CNTNAP2: variants seen among roughly 807,000 people sequenced by gnomAD.
The protein encoded by CNTNAP2 is contactin associated protein 2.
CNTNAP2 carries 98 observed loss-of-function variants against 155.2 expected under a neutral mutation model. That is an observed-to-expected ratio of 0.63 (90% CI 0.54 to 0.75). The LOEUF is 0.75. CNTNAP2 is among the 30% of genes least tolerant of loss of function. The pLI is 0.00. For synonymous variants in CNTNAP2, 651 were observed against 631.2 expected (o/e 1.03, Z -0.47); for missense variants, 1,727 against 1,688.1 (o/e 1.02, Z -0.40).
intron 8 of CNTNAP2, among the ~76,000 whole-genome samples, chr7:147,212,418 G>T (rs1393925202): frequency 6.6e-6 from 1 of 152,092 alleles, no homozygotes; most frequent in East Asian, 1.9e-4. Flanking sequence ...TTAAATAAAT[G>T]AAGTCATGTA....
chr7:146,989,004 T>C (rs191487246), intron 3 of CNTNAP2, among the ~76,000 whole-genome samples: 1 of 152,334 alleles, frequency 6.6e-6, no homozygotes, highest in Admixed American at 6.5e-5. Context: ...TTCCTCTCCA[T>C]ATTTCTTTCT....
chr7:146,761,737 T>C (rs781134631), intron 1 of CNTNAP2, among the ~76,000 whole-genome samples: 48 of 152,128 alleles, frequency 3.2e-4, no homozygotes, highest in Non-Finnish European at 6.0e-4. Context: ...CTTTGTTCAC[T>C]CCTTTCAATT....
intron 3 of CNTNAP2, among the ~76,000 whole-genome samples, chr7:147,032,948 A>G (rs553119379): frequency 6.6e-6 from 1 of 152,016 alleles, no homozygotes; most frequent in African/African-American, 2.4e-5. Context: ...CTAAAGAATA[A>G]AGAGAAGGAA....
At chr7:146,618,973 G>C (rs1462108179) in intron 1 of CNTNAP2, among the ~76,000 whole-genome samples, 2 of 151,840 alleles carry the variant, frequency 1.3e-5, no homozygotes, top group Non-Finnish European at 2.9e-5. Context: ...GGGAGGCTGA[G>C]GTAGGAGAAT....
intron 1 of CNTNAP2, among the ~76,000 whole-genome samples, chr7:146,560,239 G>C (rs1449445527): frequency 6.6e-6 from 1 of 151,994 alleles, no homozygotes; most frequent in African/African-American, 2.4e-5. Context: ...TGTCCTGCTT[G>C]ATGGGTTCTT....
At chr7:146,405,049 A>C (rs1461746211) in intron 1 of CNTNAP2, among the ~76,000 whole-genome samples, 1 of 152,174 alleles carries the variant, frequency 6.6e-6, no homozygotes, top group Non-Finnish European at 1.5e-5. Context: ...TTTAGCCAGC[A>C]GAGACTTCCC....
chr7:148,059,808 A>G (rs1442837462), intron 15 of CNTNAP2, among the ~76,000 whole-genome samples: 3 of 150,672 alleles, frequency 2.0e-5, no homozygotes, highest in African/African-American at 7.3e-5. Flanking sequence ...ATATAACTTG[A>G]TACAAAGTCT....
At chr7:147,092,197 T>A (rs1800421794) in intron 4 of CNTNAP2, among the ~76,000 whole-genome samples, 1 of 152,220 alleles carries the variant, frequency 6.6e-6, no homozygotes. Flanking sequence ...CTGTATCAAA[T>A]GTATCCTGTT....
At chr7:147,583,648 C>T (rs1800560828) in intron 12 of CNTNAP2, among the ~76,000 whole-genome samples, 1 of 151,436 alleles carries the variant, frequency 6.6e-6, no homozygotes, top group African/African-American at 2.4e-5. Flanking sequence ...TAACTCTTTG[C>T]AGATAATTGT....
chr7:146,557,704 A>C (rs1798217707), intron 1 of CNTNAP2, among the ~76,000 whole-genome samples: 1 of 151,226 alleles, frequency 6.6e-6, no homozygotes, highest in Non-Finnish European at 1.5e-5. Flanking sequence ...TTCTTTATTG[A>C]CTGATTAACC....
intron 1 of CNTNAP2, among the ~76,000 whole-genome samples, chr7:146,376,037 G>C (rs1225235216): frequency 6.6e-6 from 1 of 152,104 alleles, no homozygotes; most frequent in African/African-American, 2.4e-5. Context: ...CCACCAAATT[G>C]ACACTCAGCA....
chr7:147,776,626 A>T (rs1227527011), intron 13 of CNTNAP2, among the ~76,000 whole-genome samples: 1 of 152,144 alleles, frequency 6.6e-6, no homozygotes, highest in Non-Finnish European at 1.5e-5. Context: ...CAAGGATGAT[A>T]TTTCAAATTA....
intron 1 of CNTNAP2, among the ~76,000 whole-genome samples, chr7:146,546,081 T>C (rs1244787041): frequency 1.3e-5 from 2 of 151,884 alleles, no homozygotes; most frequent in Non-Finnish European, 2.9e-5. Flanking sequence ...AACATCCTCC[T>C]AAAGGAAACA....
At chr7:146,430,663 T>A (rs1032393330) in intron 1 of CNTNAP2, among the ~76,000 whole-genome samples, 1 of 152,020 alleles carries the variant, frequency 6.6e-6, no homozygotes, top group Non-Finnish European at 1.5e-5. Context: ...GCAGCTAGCA[T>A]TTAATTGACT....
At chr7:148,034,749 G>A (rs185866823) in intron 15 of CNTNAP2, among the ~76,000 whole-genome samples, 3 of 152,334 alleles carry the variant, frequency 2.0e-5, no homozygotes, top group African/African-American at 7.2e-5. Context: ...GGAAAAGCAT[G>A]CATTGCTATG....
intron 1 of CNTNAP2, among the ~76,000 whole-genome samples, chr7:146,445,162 C>G (rs181519249): frequency 6.6e-6 from 1 of 152,270 alleles, no homozygotes; most frequent in East Asian, 1.9e-4. Flanking sequence ...TATGTTCAAC[C>G]CAATCCTCTC....
At chr7:146,325,323 T>C (rs1196830606) in intron 1 of CNTNAP2, among the ~76,000 whole-genome samples, 4 of 152,168 alleles carry the variant, frequency 2.6e-5, no homozygotes, top group Admixed American at 1.3e-4. Context: ...ATGTACAATA[T>C]ATGTACAATA....
At chr7:148,393,748 T>G (rs1198365421) in intron 22 of CNTNAP2, among the ~76,000 whole-genome samples, 1 of 152,198 alleles carries the variant, frequency 6.6e-6, no homozygotes, top group Non-Finnish European at 1.5e-5. Context: ...ATATTATTCT[T>G]TTAAATGTGG....
chr7:147,734,032 G>T (rs1796793641), intron 13 of CNTNAP2, among the ~76,000 whole-genome samples: 1 of 152,092 alleles, frequency 6.6e-6, no homozygotes, highest in Non-Finnish European at 1.5e-5. Flanking sequence ...GACTGCCCTG[G>T]CCAGAACTTC....
Sources: gnomAD v4.1 joint callset for allele counts (sites outside exome capture counted in the v4.1 genomes callset) on GRCh38, gnomAD v4.1.1 for gene constraint, MANE v1.5 for transcripts, NCBI Gene and HGNC (gene_info 2026-07-23, HGNC 2026-07-21) for gene names.